Variants in MYO5B observed in about 807,000 individuals in gnomAD.
MYO5B encodes myosin VB, also known as unconventional myosin-Vb.
A neutral mutation model predicts 229.3 loss-of-function variants in MYO5B; 143 were observed. The observed-to-expected ratio is 0.62, with a 90% CI of 0.54 to 0.72. The LOEUF (loss-of-function observed/expected upper bound fraction) is 0.72. Among genes scored for constraint, MYO5B ranks in the 30% least tolerant of loss-of-function variants. MYO5B has a pLI of 0.00. For missense variants in MYO5B, 2,321 were observed against 2,331.0 expected (o/e 1.00, Z 0.09); for synonymous variants, 918 against 885.2 (o/e 1.04, Z -0.66).
At chr18:50,107,787 T>C (rs1357159327) in intron 1 of MYO5B, among the ~76,000 whole-genome samples, 1 of 152,240 alleles carries the variant, frequency 6.6e-6, no homozygotes, top group Non-Finnish European at 1.5e-5. Context: ...AGCATACATG[T>C]ACTTACAGTA....
intron 1 of MYO5B, among the ~76,000 whole-genome samples, chr18:50,143,652 A>C (rs527583990): frequency 4.6e-5 from 7 of 152,338 alleles, no homozygotes; most frequent in African/African-American, 1.7e-4. Context: ...AAAGCCCCCA[A>C]ATGACTACAG....
chr18:50,070,692 TGTCCATGTCATTTACAGGATAA>T (rs796771568), intron 1 of MYO5B, among the ~76,000 whole-genome samples: 1,758 of 152,202 alleles, frequency 0.012, 28 homozygotes, highest in African/African-American at 0.04. Flanking sequence ...TGCTTAAAAA[TGTCCATGTCATTTACAGGATAA>T]GTTCATACAA....
chr18:50,124,559 A>G (rs1444090381), intron 1 of MYO5B, among the ~76,000 whole-genome samples: 2 of 152,196 alleles, frequency 1.3e-5, no homozygotes, highest in Non-Finnish European at 2.9e-5. Context: ...AACAACAAAA[A>G]ACTTTTGAAG....
intron 7 of MYO5B, among the ~76,000 whole-genome samples, chr18:49,985,080 T>TTA (rs1429401713): frequency 2.0e-5 from 3 of 152,214 alleles, no homozygotes; most frequent in Admixed American, 6.5e-5. Flanking sequence ...GAAACATATG[T>TTA]TAACACAAAA....
intron 1 of MYO5B, among the ~76,000 whole-genome samples, chr18:50,165,076 A>G (rs1231800598): frequency 1.3e-5 from 2 of 152,248 alleles, no homozygotes; most frequent in African/African-American, 2.4e-5. Flanking sequence ...GGGAAAATCA[A>G]CAGAGAATCA....
chr18:49,867,722 T>C (rs900485685), intron 27 of MYO5B, among the ~76,000 whole-genome samples: 2 of 151,638 alleles, frequency 1.3e-5, no homozygotes, highest in African/African-American at 4.9e-5. Context: ...AAGGGTTCAT[T>C]GAAATTCTAT....
chr18:49,869,477 T>C (rs11662012), intron 27 of MYO5B, among the ~76,000 whole-genome samples: 36,485 of 151,994 alleles, frequency 0.24, 4,523 homozygotes, highest in East Asian at 0.41. Flanking sequence ...AGGTCTCACA[T>C]CCTCAGAATC....
At chr18:49,839,858 G>A (rs1385216971) in intron 35 of MYO5B, 1 of 169,554 alleles carries the variant, frequency 5.9e-6, no homozygotes, top group Non-Finnish European at 1.3e-5. Context: ...GGGAACTGCT[G>A]ATATCAGAAG....
At chr18:50,115,953 T>A (rs951173090) in intron 1 of MYO5B, among the ~76,000 whole-genome samples, 1 of 152,180 alleles carries the variant, frequency 6.6e-6, no homozygotes, top group Admixed American at 6.5e-5. Flanking sequence ...TAATCATAGA[T>A]GCATGAGGAA....
rs549372875 is a variant in MYO5B at position 49,858,369 on chromosome 18, G to A, written c.3945-1479C>T. Among the ~76,000 whole-genome samples the A allele has an allele frequency of 7.2e-5, 11 of 152,326 alleles. No homozygotes were observed. The South Asian group carries it at 1.9e-3, about 26-fold the overall frequency. On this transcript the variant is annotated intron_variant, in intron 29 of 39. Coordinates refer to ENST00000285039, the MANE Select transcript of MYO5B (RefSeq NM_001080467.3). ...ACTGCAGTGATTCTTGGGGAGGGCC[G>A]GAAGTAGAGCGCATCAGCGCTGAAA...
chr18:49,875,207 G>A (rs1302365332), intron 26 of MYO5B, among the ~76,000 whole-genome samples: 4 of 152,194 alleles, frequency 2.6e-5, no homozygotes, highest in Non-Finnish European at 5.9e-5. Flanking sequence ...CCAAGAGGCT[G>A]CTGATAATCT....
At chr18:50,105,703 C>T (rs926866158) in intron 1 of MYO5B, among the ~76,000 whole-genome samples, 11 of 151,490 alleles carry the variant, frequency 7.3e-5, no homozygotes, top group East Asian at 5.8e-4. Context: ...CAAAGGAATA[C>T]GAAACTCCCC....
intron 16 of MYO5B, among the ~76,000 whole-genome samples, chr18:49,929,861 CCTT>C (rs1334051922): frequency 6.6e-6 from 1 of 152,074 alleles, no homozygotes; most frequent in Admixed American, 6.6e-5. Context: ...CCTGGGATAC[CCTT>C]CTTCTTTGCC....
intron 17 of MYO5B, among the ~76,000 whole-genome samples, chr18:49,921,889 C>T (rs566585371): frequency 2.8e-4 from 42 of 152,284 alleles, no homozygotes; most frequent in African/African-American, 9.1e-4. Context: ...TGCTTCCACA[C>T]GGGAACTGTT....
intron 28 of MYO5B, among the ~76,000 whole-genome samples, chr18:49,863,587 A>G (rs1040917518): frequency 2.0e-5 from 3 of 152,072 alleles, no homozygotes; most frequent in African/African-American, 7.2e-5. Context: ...CTGGGAGGAG[A>G]GAGCACCCAA....
chr18:49,931,821 G>A (rs1164224276), intron 16 of MYO5B, among the ~76,000 whole-genome samples: 1 of 152,190 alleles, frequency 6.6e-6, no homozygotes, highest in Non-Finnish European at 1.5e-5. Context: ...TGAAGGCAGA[G>A]CGGACACCCC....
intron 1 of MYO5B, among the ~76,000 whole-genome samples, chr18:50,095,699 C>T (rs1282308847): frequency 6.6e-6 from 1 of 152,180 alleles, no homozygotes; most frequent in African/African-American, 2.4e-5. Flanking sequence ...GACCCATGCG[C>T]CTTGGGATGG....
intron 22 of MYO5B, among the ~76,000 whole-genome samples, chr18:49,893,631 A>T (rs1259806156): frequency 6.6e-6 from 1 of 152,158 alleles, no homozygotes. Context: ...GTGGCCTTTT[A>T]TGGGAAGCCT....
At chr18:50,187,344 G>C (rs2033162078) in intron 1 of MYO5B, among the ~76,000 whole-genome samples, 2 of 152,320 alleles carry the variant, frequency 1.3e-5, no homozygotes, top group South Asian at 2.1e-4. Flanking sequence ...AGGGATCAAA[G>C]TGATCCGTCA....
Sources: allele counts gnomAD v4.1 joint callset (sites outside exome capture counted in the v4.1 genomes callset), GRCh38; gene constraint gnomAD v4.1.1; transcripts MANE v1.5; gene names NCBI Gene and HGNC (gene_info 2026-07-23, HGNC 2026-07-21).